CPM: variants seen among roughly 807,000 people sequenced by gnomAD.
CPM encodes the protein renal carboxypeptidase.
In CPM, 35 loss-of-function variants were observed where a neutral mutation model predicts 46.4. The observed-to-expected ratio is 0.75, with a 90% CI of 0.58 to 1.00. The LOEUF is 1.00. CPM is among the 50% of genes least tolerant of loss of function. The pLI is 0.00. For synonymous variants in CPM, 195 were observed against 195.3 expected (o/e 1.00, Z 0.01); for missense variants, 422 against 530.4 (o/e 0.80, Z 2.01).
intron 2 of CPM, among the ~76,000 whole-genome samples, chr12:68,920,036 G>A (rs4913299): frequency 0.069 from 10,522 of 152,146 alleles, 770 homozygotes; most frequent in African/African-American, 0.18. Flanking sequence ...GAGTTCTCAC[G>A]AGATCTGGTT....
chr12:68,955,280 T>A (rs930620341), intron 1 of CPM, among the ~76,000 whole-genome samples: 6 of 152,224 alleles, frequency 3.9e-5, no homozygotes, highest in African/African-American at 1.4e-4. Context: ...GATATAATTT[T>A]AAATCTTTAC....
At chr12:68,905,316 T>C (rs1887299483) in intron 2 of CPM, among the ~76,000 whole-genome samples, 1 of 152,094 alleles carries the variant, frequency 6.6e-6, no homozygotes. Context: ...GGTCTCACTC[T>C]GTCACCCAGA....
At chr12:68,896,879 G>T (rs1282166279) in intron 2 of CPM, among the ~76,000 whole-genome samples, 2 of 151,578 alleles carry the variant, frequency 1.3e-5, no homozygotes, top group African/African-American at 4.9e-5. Context: ...GGGAATTTCA[G>T]TTCCTAAATT....
At chr12:68,944,528 T>C (rs1817895) in intron 1 of CPM, among the ~76,000 whole-genome samples, 25,015 of 152,104 alleles carry the variant, frequency 0.16, 2,139 homozygotes, top group Middle Eastern at 0.2. Context: ...CTCAGCCTTC[T>C]GAGCAGTTGG....
chr12:68,860,930 G>A (rs1680513121), intron 7 of CPM, among the ~76,000 whole-genome samples: 1 of 151,548 alleles, frequency 6.6e-6, no homozygotes, highest in South Asian at 2.1e-4. Context: ...ACCCAGGCTG[G>A]AGTGCAGTGG....
intron 1 of CPM, among the ~76,000 whole-genome samples, chr12:68,961,306 T>C (rs1003678695): frequency 1.6e-4 from 25 of 152,076 alleles, no homozygotes; most frequent in African/African-American, 6.0e-4. Flanking sequence ...CCCCCATGCC[T>C]GGCTAATTTT....
At chr12:68,888,412 A>G (rs1278151363) in intron 2 of CPM, among the ~76,000 whole-genome samples, 1 of 152,214 alleles carries the variant, frequency 6.6e-6, no homozygotes, top group Non-Finnish European at 1.5e-5. Flanking sequence ...TACCTTGAAC[A>G]ACCTCAGTGA....
At chr12:68,868,169 G>A (rs898354836) in intron 6 of CPM, among the ~76,000 whole-genome samples, 3 of 152,184 alleles carry the variant, frequency 2.0e-5, no homozygotes, top group Admixed American at 6.5e-5. Context: ...GACAGGATGG[G>A]CCCTTTCTTA....
chr12:68,886,707 T>A (rs892980841), intron 2 of CPM, among the ~76,000 whole-genome samples: 1 of 152,154 alleles, frequency 6.6e-6, no homozygotes, highest in Non-Finnish European at 1.5e-5. Context: ...CAGGAGATCC[T>A]GAATTCTGTA....
rs751363741 is a variant in CPM, at chr12:68,852,994, G to A, written c.*3443C>T. On this transcript the variant is annotated 3_prime_UTR_variant, in exon 9 of 9. Transcript: ENST00000551568. Reference sequence around the variant, plus strand: ...AGCATAACCACCAGCCCAAGAGGGAGGGGAAAAGCCGGAAAGGCGTTGGGC... The same window carrying A: ...AGCATAACCACCAGCCCAAGAGGGAAGGGAAAAGCCGGAAAGGCGTTGGGC... 1 of 152,350 alleles carries A rather than the reference G, an allele frequency of 6.6e-6. No individual in the cohort carries two copies. Among genetic ancestry groups the A allele is most frequent in the Non-Finnish European group, 1.5e-5 (1 of 68,064 alleles). 9.4% of individuals were successfully genotyped at this position (152,350 alleles called of 1,614,324 possible). A position where few individuals can be genotyped will look rare whatever the true frequency, so the allele number is the denominator to read the frequency against.
Position 68,855,527 on chromosome 12 carries a change from C to T in CPM, c.*910G>A, listed in dbSNP as rs1884924156. The T allele has an allele frequency of 6.6e-6, 1 of 152,078 alleles. No individual in the cohort carries two copies. Among genetic ancestry groups the T allele is most frequent in the Admixed American group, 6.5e-5 (1 of 15,272 alleles). The allele number at this position is 152,078 out of a possible 1,614,324, so 9.4% of individuals were successfully genotyped here. On this transcript the variant is annotated 3_prime_UTR_variant, in exon 9 of 9. Transcript: ENST00000551568. ...TAATTGACCTGTATGCTTTGAAGCT[C>T]TATAGAGACACAATCTTATCCCTTC...
At chr12:68,947,405 T>C (rs1888865171) in intron 1 of CPM, among the ~76,000 whole-genome samples, 1 of 152,062 alleles carries the variant, frequency 6.6e-6, no homozygotes, top group Non-Finnish European at 1.5e-5. Flanking sequence ...AAGACCAGCC[T>C]GGCCAACATG....
intron 5 of CPM, chr12:68,844,087 T>G (rs1884053023): frequency 4.8e-6 from 1 of 206,518 alleles, no homozygotes; most frequent in African/African-American, 2.3e-5. Context: ...AATTTAAATC[T>G]GCAAATGGAT....
chr12:68,856,810 G>T, intron 8 of CPM, 131 bp from the exon 9 acceptor site: 1 of 1,204,288 alleles, frequency 8.3e-7, no homozygotes, highest in Non-Finnish European at 1.2e-6. Flanking sequence ...AGACCTCTGG[G>T]CCAGCAACAG....
intron 7 of CPM, among the ~76,000 whole-genome samples, chr12:68,861,108 C>G (rs1885190944): frequency 6.6e-6 from 1 of 152,078 alleles, no homozygotes; most frequent in Non-Finnish European, 1.5e-5. Context: ...TCTTGAACTC[C>G]TGAGCTCACA....
In CPM at chr12:68,871,936, C is replaced by A; in HGVS notation, c.279G>T (p.Leu93=). The A allele has an allele frequency of 6.2e-7, 1 of 1,614,070 alleles. No individual in the cohort carries two copies. Among genetic ancestry groups the A allele is most frequent in the Non-Finnish European group, 8.5e-7 (1 of 1,180,014 alleles). Reference sequence around the variant, plus strand: ...TTACGAGATAGTCAATCAGATGGAGCAGCAGCTCCCGCCCAACAGTCTATA... The same window carrying A: ...TTACGAGATAGTCAATCAGATGGAGAAGCAGCTCCCGCCCAACAGTCTATA... ...HGDETVGREL[L]LHLIDYLVTS... is the part of the protein sequence containing the mutation. The change falls in exon 4 of 9, where the codon CTG becomes CTT. Residue 93 remains leucine (L), a synonymous_variant. Coordinates refer to ENST00000551568, the MANE Select transcript of CPM (RefSeq NM_198320.5).
At position 68,933,026 on chromosome 12, in the gene CPM, G is replaced by A. The variant is rs1888578781; in HGVS notation, c.-4+116C>T. 7 of 541,266 alleles carry A rather than the reference G, an allele frequency of 1.3e-5. No homozygotes were observed. In the East Asian group the frequency reaches 1.9e-4, roughly 15 times the overall value. 33.5% of individuals were successfully genotyped at this position (541,266 alleles called of 1,614,324 possible). On this transcript the variant is annotated intron_variant, in intron 1 of 8. Transcript: ENST00000551568. Reference sequence around the variant, plus strand: ...GTGCAACCAGAGACCGGGAGCACGGGCAGCCTCGGTGCCCTCGACCCAGCC... The same window carrying A: ...GTGCAACCAGAGACCGGGAGCACGGACAGCCTCGGTGCCCTCGACCCAGCC...
chr12:68,915,376 A>G (rs1020096343), intron 2 of CPM, among the ~76,000 whole-genome samples: 4 of 152,194 alleles, frequency 2.6e-5, no homozygotes, highest in African/African-American at 9.7e-5. Flanking sequence ...CTTGGCATAC[A>G]AGGCTTCTTG....
At position 68,870,224 on chromosome 12, in the gene CPM, C is replaced by T. The variant is rs745895372; in HGVS notation, c.607G>A (p.Gly203Ser). Residue 203 changes from glycine (G) to serine (S), a missense_variant, in exon 5 of 9, where the codon GGT becomes AGT. By Grantham distance (56) the Gly-to-Ser change is moderately conservative. Transcript: ENST00000551568. ...ALVASYPFDN[G>S]VQATGALYSR... is the part of the protein sequence containing the mutation. Reference sequence around the variant, plus strand: ...ACCCGCACCTGCTTACCTTGAACACCATTATCAAATGGGTAACTGGCCACG... The same window carrying T: ...ACCCGCACCTGCTTACCTTGAACACTATTATCAAATGGGTAACTGGCCACG... The T allele has an allele frequency of 6.2e-7, 1 of 1,613,604 alleles. No homozygotes were observed. Among genetic ancestry groups the T allele is most frequent in the Non-Finnish European group, 8.5e-7 (1 of 1,179,816 alleles).
Sources: allele counts gnomAD v4.1 joint callset (sites outside exome capture counted in the v4.1 genomes callset), GRCh38; gene constraint gnomAD v4.1.1; transcripts MANE v1.5; gene names NCBI Gene and HGNC (gene_info 2026-07-23, HGNC 2026-07-21).